TECRL: variants seen among roughly 807,000 people sequenced by gnomAD.
TECRL encodes trans-2,3-enoyl-CoA reductase like, also known as trans-2,3-enoyl-CoA reductase-like.
TECRL carries 63 observed loss-of-function variants against 52.8 expected under a neutral mutation model. The ratio of observed to expected loss-of-function variants is 1.19; its 90% CI spans 0.97 to 1.47. The LOEUF is 1.47. TECRL is among the 40% of genes most tolerant of loss of function. TECRL has a pLI of 0.00. For missense variants in TECRL, 482 were observed against 429.6 expected (o/e 1.12, Z -1.08); for synonymous variants, 164 against 141.9 (o/e 1.16, Z -1.10).
intron 2 of TECRL, among the ~76,000 whole-genome samples, chr4:64,331,924 A>C (rs1718668268): frequency 6.6e-6 from 1 of 152,152 alleles, no homozygotes; most frequent in Admixed American, 6.5e-5. Flanking sequence ...TAAGCAAAAA[A>C]AGTCCATTAA....
At chr4:64,320,049 T>G (rs2110024550) in intron 4 of TECRL, among the ~76,000 whole-genome samples, 1 of 152,030 alleles carries the variant, frequency 6.6e-6, no homozygotes, top group African/African-American at 2.4e-5. Context: ...ATACAAGGGA[T>G]AAATTGTATA....
Position 64,281,055 on chromosome 4 carries a change from G to T in TECRL, c.950C>A (p.Thr317Lys). 2 of 1,602,236 alleles carry T rather than the reference G, an allele frequency of 1.2e-6. No homozygotes were observed. Among genetic ancestry groups the T allele is most frequent in the South Asian group, 2.2e-5 (2 of 89,476 alleles). Residue 317 changes from threonine (T) to lysine (K), a missense_variant, in exon 11 of 12, where the codon ACA becomes AAA. By Grantham distance (78) the Thr-to-Lys change is moderately conservative. Transcript: ENST00000381210. ...IGSWISFTVM[T>K]QTLPVGIFTL... is the part of the protein sequence containing the mutation. ...CTAGGTCTTACCTGGCAGTGTTTGT[G>T]TCATGACTGTGAAACTAATCCATGA...
At chr4:64,314,537 AC>A (rs1450204339) in intron 5 of TECRL, 110 bp downstream of exon 5, 12 of 784,802 alleles carry the variant, frequency 1.5e-5, no homozygotes, top group Non-Finnish European at 2.1e-5. Context: ...TTTAGTAACA[AC>A]CTTTATTAAT....
intron 1 of TECRL, among the ~76,000 whole-genome samples, chr4:64,400,270 C>A (rs1724262288): frequency 1.3e-5 from 2 of 152,242 alleles, no homozygotes; most frequent in South Asian, 2.1e-4. Context: ...TAGTGGGTTT[C>A]TCCTTTTTGG....
chr4:64,356,253 C>T (rs893459494), intron 2 of TECRL, among the ~76,000 whole-genome samples: 1 of 152,116 alleles, frequency 6.6e-6, no homozygotes, highest in African/African-American at 2.4e-5. Context: ...ATATGGCCTC[C>T]TGGGATGCGA....
At chr4:64,402,199 A>G (rs1440721516) in intron 1 of TECRL, among the ~76,000 whole-genome samples, 1 of 152,080 alleles carries the variant, frequency 6.6e-6, no homozygotes, top group African/African-American at 2.4e-5. Context: ...TGTTTGAATC[A>G]TGGCAGTGTT....
At chr4:64,283,904 C>G (rs1035110806) in intron 9 of TECRL, among the ~76,000 whole-genome samples, 3 of 152,058 alleles carry the variant, frequency 2.0e-5, no homozygotes, top group East Asian at 1.9e-4. Flanking sequence ...AGAATACCCC[C>G]CTTGAAGATC....
intron 8 of TECRL, among the ~76,000 whole-genome samples, chr4:64,294,451 G>A (rs769958718): frequency 6.6e-6 from 1 of 151,960 alleles, no homozygotes; most frequent in African/African-American, 2.4e-5. Flanking sequence ...GTTATGATGC[G>A]TCTTTGGCAA....
intron 8 of TECRL, among the ~76,000 whole-genome samples, chr4:64,293,474 G>A (rs562659619): frequency 6.6e-6 from 1 of 151,890 alleles, no homozygotes; most frequent in Admixed American, 6.6e-5. Context: ...TCACTCTCAG[G>A]TTGAAAGACA....
intron 5 of TECRL, 65 bp downstream of exon 5, chr4:64,314,583 C>T (rs1717334176): frequency 2.6e-6 from 3 of 1,167,786 alleles, no homozygotes; most frequent in African/African-American, 1.6e-5. Context: ...CCCTCCTTAA[C>T]GTGTATGGTG....
intron 2 of TECRL, among the ~76,000 whole-genome samples, chr4:64,343,398 G>T (rs780818144): frequency 1.3e-5 from 2 of 151,970 alleles, no homozygotes; most frequent in Non-Finnish European, 2.9e-5. Context: ...TACCAATTTT[G>T]CATGAGTTAA....
intron 2 of TECRL, among the ~76,000 whole-genome samples, chr4:64,373,958 T>C (rs896346950): frequency 2.1e-5 from 3 of 145,530 alleles, no homozygotes; most frequent in African/African-American, 7.5e-5. Context: ...ACATACACAC[T>C]ATATGTATAC....
intron 2 of TECRL, among the ~76,000 whole-genome samples, chr4:64,335,592 T>C (rs1719013149): frequency 6.6e-6 from 1 of 152,198 alleles, no homozygotes; most frequent in African/African-American, 2.4e-5. Context: ...AACTGGTCTC[T>C]GGTGCCAAAA....
intron 11 of TECRL, 35 bp downstream of exon 11, chr4:64,281,006 T>C: frequency 1.3e-6 from 2 of 1,507,064 alleles, no homozygotes; most frequent in Non-Finnish European, 1.8e-6. Flanking sequence ...AAGATGCATT[T>C]ATTTTGATTA....
chr4:64,301,151 G>A (rs1174549741), intron 7 of TECRL, among the ~76,000 whole-genome samples: 1 of 150,634 alleles, frequency 6.6e-6, no homozygotes, highest in Non-Finnish European at 1.5e-5. Context: ...TATTAGCAGA[G>A]AACATTTAGG....
At chr4:64,370,855 A>G (rs932017171) in intron 2 of TECRL, among the ~76,000 whole-genome samples, 23 of 151,906 alleles carry the variant, frequency 1.5e-4, no homozygotes, top group Non-Finnish European at 1.2e-4. Context: ...GCTAATCTAA[A>G]CTAAAATATC....
chr4:64,339,839 C>T (rs1719425277), intron 2 of TECRL, among the ~76,000 whole-genome samples: 1 of 152,074 alleles, frequency 6.6e-6, no homozygotes, highest in South Asian at 2.1e-4. Context: ...CTTGATTTTC[C>T]AAGAATTATT....
At chr4:64,299,809 G>C (rs1270313458) in intron 8 of TECRL, among the ~76,000 whole-genome samples, 165 bp downstream of exon 8, 1 of 150,674 alleles carries the variant, frequency 6.6e-6, no homozygotes, top group Non-Finnish European at 1.5e-5. Context: ...GAGAGCTAAA[G>C]ACTTGATTAT....
intron 2 of TECRL, among the ~76,000 whole-genome samples, chr4:64,349,247 C>T (rs1013406082): frequency 6.6e-6 from 1 of 151,344 alleles, no homozygotes; most frequent in African/African-American, 2.4e-5. Context: ...ATTCTCCTGC[C>T]TCAACCTCCC....
Sources: allele counts gnomAD v4.1 joint callset (sites outside exome capture counted in the v4.1 genomes callset), GRCh38; gene constraint gnomAD v4.1.1; transcripts MANE v1.5; gene names NCBI Gene and HGNC (gene_info 2026-07-23, HGNC 2026-07-21).